MAP3K13: variants seen among roughly 807,000 people sequenced by gnomAD.
MAP3K13 encodes mitogen-activated protein kinase kinase kinase 13, also known as leucine zipper-bearing kinase.
A neutral mutation model predicts 104.0 loss-of-function variants in MAP3K13; 52 were observed. That is an observed-to-expected ratio of 0.50 (90% confidence interval 0.40 to 0.63). MAP3K13 has a LOEUF of 0.63. MAP3K13 is among the 20% of genes least tolerant of loss of function. MAP3K13 has a pLI of 0.00. For missense variants in MAP3K13, 914 were observed against 1,218.5 expected (o/e 0.75, Z 3.72); for synonymous variants, 394 against 442.2 (o/e 0.89, Z 1.37).
At chr3:185,362,850 A>G (rs749381589), upstream of MAP3K13, among the ~76,000 whole-genome samples, 1 of 151,962 alleles carries the variant, frequency 6.6e-6, no homozygotes, top group Non-Finnish European at 1.5e-5. Flanking sequence ...CATTTTTGTT[A>G]TCCTTGATTC....
At chr3:185,364,656 G>A (rs1723787464) in intron 1 of MAP3K13, among the ~76,000 whole-genome samples, 1 of 152,144 alleles carries the variant, frequency 6.6e-6, no homozygotes, top group Non-Finnish European at 1.5e-5. Flanking sequence ...ACCTGAGGAT[G>A]TAACATTGTC....
At chr3:185,445,000 T>A (rs902711531) in intron 4 of MAP3K13, among the ~76,000 whole-genome samples, 26 of 142,218 alleles carry the variant, frequency 1.8e-4, no homozygotes, top group African/African-American at 5.1e-4. Context: ...AATAAAAATT[T>A]AAAAAAACTA....
rs535275594 is a variant in MAP3K13, at chr3:185,326,171, C to T, written c.-86+40528C>T. Reference sequence around the variant, plus strand: ...CACCCTCCTGCTGGAATGTCCGTCCCGGGAGAATAGGAGTCTTGTCAGATG... The same window carrying T: ...CACCCTCCTGCTGGAATGTCCGTCCTGGGAGAATAGGAGTCTTGTCAGATG... On this transcript the variant is annotated intron_variant, in intron 2 of 14. Transcript: ENST00000424227. Among the ~76,000 whole-genome samples, 9 of 152,170 alleles carry T rather than the reference C, an allele frequency of 5.9e-5. No individual in the cohort carries two copies. The South Asian group carries it at 1.2e-3, about 21-fold the overall frequency.
chr3:185,315,923 A>G lies in MAP3K13; in HGVS notation c.-86+30280A>G, dbSNP rs1401881406. 2.0e-5 allele frequency among the ~76,000 whole-genome samples: 3 copies of G among 152,208 alleles called. No individual in the cohort carries two copies. Among genetic ancestry groups the G allele is most frequent in the Admixed American group, 6.5e-5 (1 of 15,288 alleles). ...TCTGAATAGGAGATATTAATTTATG[A>G]GTCATTAAGGTATAGAAGATCAATT... On this transcript the variant is annotated intron_variant, in intron 2 of 14. Transcript: ENST00000424227. This position sits in a 1 kb window ranked among gnomAD's most constrained non-coding sequence, Gnocchi z 4.3.
chr3:185,457,326 A>T (rs528793907), intron 7 of MAP3K13, among the ~76,000 whole-genome samples: 31 of 152,362 alleles, frequency 2.0e-4, no homozygotes, highest in Middle Eastern at 3.4e-3. Context: ...CATCTATCTT[A>T]GCTCAGGCTG....
intron 2 of MAP3K13, among the ~76,000 whole-genome samples, chr3:185,429,452 C>T (rs1201912478): frequency 1.3e-5 from 2 of 152,002 alleles, no homozygotes; most frequent in South Asian, 2.1e-4. Context: ...CATGCAGTGG[C>T]CACATATTTA....
At chr3:185,457,915 G>T (rs573121403) in intron 7 of MAP3K13, among the ~76,000 whole-genome samples, 1 of 152,266 alleles carries the variant, frequency 6.6e-6, no homozygotes, top group African/African-American at 2.4e-5. Flanking sequence ...ATACTGTGTG[G>T]TCTTGGCTAA....
chr3:185,320,499 G>C (rs1380009585), intron 2 of MAP3K13, among the ~76,000 whole-genome samples: 2 of 152,106 alleles, frequency 1.3e-5, no homozygotes, highest in African/African-American at 4.8e-5. Context: ...ATTACATTAG[G>C]TTAATAAATG....
At chr3:185,469,054 G>T (rs1289065009) in intron 10 of MAP3K13, among the ~76,000 whole-genome samples, 1 of 152,238 alleles carries the variant, frequency 6.6e-6, no homozygotes, top group Admixed American at 6.5e-5. Flanking sequence ...AAGGCAACCT[G>T]CAAAGAGCTG....
At chr3:185,329,966 G>A (rs1560050395) in intron 2 of MAP3K13, among the ~76,000 whole-genome samples, 1 of 128,370 alleles carries the variant, frequency 7.8e-6, no homozygotes, top group Admixed American at 9.6e-5. Context: ...TGCAAGGTCC[G>A]CCTCCCGTGT....
chr3:185,305,609 T>C (rs1721266509), intron 2 of MAP3K13, among the ~76,000 whole-genome samples: 1 of 152,188 alleles, frequency 6.6e-6, no homozygotes, highest in Admixed American at 6.5e-5. Context: ...TTTATATGCT[T>C]TCAAGTTGTT....
Position 185,486,058 on chromosome 3 carries a change from CAACATAA to C in MAP3K13, c.*3607_*3613del, listed in dbSNP as rs1255102138. ...TACAACTCTATGTCTTCTTTCTATC[CAACATAA>C]AACACTGGCAGTTTTGTCCAATTCT... On this transcript the variant is annotated 3_prime_UTR_variant, in exon 14 of 14. Transcript: ENST00000265026. 1 of 152,200 alleles carries C rather than the reference CAACATAA, an allele frequency of 6.6e-6. No homozygotes were observed. Among genetic ancestry groups the C allele is most frequent in the Admixed American group, 6.5e-5 (1 of 15,282 alleles). 9.4% of individuals were successfully genotyped at this position (152,200 alleles called of 1,614,324 possible). A position where few individuals can be genotyped will look rare whatever the true frequency, so the allele number is the denominator to read the frequency against.
intron 7 of MAP3K13, among the ~76,000 whole-genome samples, chr3:185,459,478 G>A (rs1412326325): frequency 6.6e-6 from 1 of 151,726 alleles, no homozygotes; most frequent in Admixed American, 6.6e-5. Context: ...ACAGAGTTTC[G>A]CTCTTGTCAC....
At position 185,487,056 on chromosome 3, in the gene MAP3K13, A is replaced by G. The variant is rs1216746449; in HGVS notation, c.*4600A>G. Reference sequence around the variant, plus strand: ...AAAGACATTTTGAGTAGGATTTAGTAAGTACTGGACATCTCCTGTAGAGCT... The same window carrying G: ...AAAGACATTTTGAGTAGGATTTAGTGAGTACTGGACATCTCCTGTAGAGCT... On this transcript the variant is annotated 3_prime_UTR_variant, in exon 14 of 14. Coordinates refer to ENST00000265026, the MANE Select transcript of MAP3K13 (RefSeq NM_004721.5). The G allele has an allele frequency of 6.6e-6, 1 of 152,224 alleles. No homozygotes were observed. The highest frequency in any genetic ancestry group is 1.5e-5 in the Non-Finnish European group (1 of 68,038). The allele number at this position is 152,224 out of a possible 1,614,324, so 9.4% of individuals were successfully genotyped here. A position where few individuals can be genotyped will look rare whatever the true frequency, so the allele number is the denominator to read the frequency against.
chr3:185,323,771 T>C (rs1721950265), intron 2 of MAP3K13, among the ~76,000 whole-genome samples: 1 of 152,220 alleles, frequency 6.6e-6, no homozygotes, highest in Admixed American at 6.5e-5. Flanking sequence ...TGTATGTTTT[T>C]AGTTATTGCT....
intron 2 of MAP3K13, among the ~76,000 whole-genome samples, chr3:185,300,393 C>T (rs1300004162): frequency 3.9e-5 from 6 of 151,934 alleles, no homozygotes; most frequent in East Asian, 1.9e-4. Context: ...TCACTTGTCT[C>T]GAACTCCTGA....
intron 2 of MAP3K13, chr3:185,291,776 G>A (rs1386267098): frequency 2.1e-6 from 3 of 1,445,484 alleles, no homozygotes; most frequent in Non-Finnish European, 2.7e-6. Context: ...AGCTTAAAGG[G>A]GCTAAAATCC....
At chr3:185,405,616 T>C (rs923283940) in intron 1 of MAP3K13, among the ~76,000 whole-genome samples, 1 of 152,230 alleles carries the variant, frequency 6.6e-6, no homozygotes, top group Non-Finnish European at 1.5e-5. Flanking sequence ...TCTCCATCCT[T>C]CACTCGTTCT....
intron 2 of MAP3K13, among the ~76,000 whole-genome samples, chr3:185,357,480 A>G (rs1723418420): frequency 6.6e-6 from 1 of 151,674 alleles, no homozygotes; most frequent in Admixed American, 6.6e-5. Flanking sequence ...AAAAAAGAAA[A>G]AGAAAGAAAG....
Sources: allele counts gnomAD v4.1 joint callset (sites outside exome capture counted in the v4.1 genomes callset), GRCh38; gene constraint gnomAD v4.1.1; non-coding constraint Gnocchi (gnomAD v3.1); transcripts MANE v1.5; gene names NCBI Gene and HGNC (gene_info 2026-07-23, HGNC 2026-07-21).